Variants in NXPE2 observed in about 807,000 individuals in gnomAD.
NXPE2 encodes the protein NXPE family member 2.
NXPE2 carries 34 observed loss-of-function variants against 34.4 expected under a neutral mutation model. The ratio of observed to expected loss-of-function variants is 0.99; its 90% confidence interval spans 0.75 to 1.31. NXPE2 has a LOEUF of 1.31. NXPE2 is among the 40% of genes most tolerant of loss of function. NXPE2 has a pLI of 0.00. For synonymous variants in NXPE2, 235 were observed against 231.3 expected (o/e 1.02, Z -0.15); for missense variants, 649 against 672.5 (o/e 0.97, Z 0.39).
the NXPE2 span, among the ~76,000 whole-genome samples, chr11:114,486,867 A>G: frequency 6.6e-6 from 1 of 152,052 alleles, no homozygotes; most frequent in Non-Finnish European, 1.5e-5. Context: ...GTTTCTTGTT[A>G]TGCCAGTACT....
the NXPE2 span, chr11:114,523,146 C>A: frequency 7.8e-7 from 1 of 1,284,784 alleles, no homozygotes; most frequent in South Asian, 1.2e-5. Flanking sequence ...GACATCTAGC[C>A]TTCTTTCCTG....
chr11:114,632,610 T>G, the NXPE2 span, among the ~76,000 whole-genome samples: 4 of 103,346 alleles, frequency 3.9e-5, no homozygotes, highest in African/African-American at 1.6e-4. Context: ...TATATTTATA[T>G]TTTATATATA....
chr11:114,659,325 A>C, the NXPE2 span, among the ~76,000 whole-genome samples: 1 of 152,216 alleles, frequency 6.6e-6, no homozygotes, highest in East Asian at 1.9e-4. Flanking sequence ...AGACAGAAAC[A>C]GTCATCAAGA....
chr11:114,619,827 T>C, the NXPE2 span, among the ~76,000 whole-genome samples: 1 of 152,040 alleles, frequency 6.6e-6, no homozygotes, highest in Non-Finnish European at 1.5e-5. Flanking sequence ...TTATAATAAG[T>C]GTTGCCTCGT....
chr11:114,627,789 G>GAC, the NXPE2 span, among the ~76,000 whole-genome samples: 2 of 151,972 alleles, frequency 1.3e-5, no homozygotes, highest in East Asian at 3.8e-4. Flanking sequence ...CACAGGCAGA[G>GAC]ACACACATGG....
At chr11:114,689,593 T>C (rs556001051) in intron 2 of NXPE2, among the ~76,000 whole-genome samples, 1 of 152,240 alleles carries the variant, frequency 6.6e-6, no homozygotes, top group East Asian at 1.9e-4. Context: ...TAGATGTCTA[T>C]GGGGTCTAAT....
At chr11:114,616,502 G>A in the NXPE2 span, among the ~76,000 whole-genome samples, 46 of 151,384 alleles carry the variant, frequency 3.0e-4, no homozygotes, top group Middle Eastern at 3.4e-3. Flanking sequence ...ACTGTTAACC[G>A]GTGGATAATA....
At chr11:114,640,579 C>T in the NXPE2 span, among the ~76,000 whole-genome samples, 1 of 151,956 alleles carries the variant, frequency 6.6e-6, no homozygotes, top group African/African-American at 2.4e-5. Flanking sequence ...ACCCACAATG[C>T]ATAAGTGTTC....
chr11:114,528,765 A>G, the NXPE2 span: 1 of 630,892 alleles, frequency 1.6e-6, no homozygotes, highest in Non-Finnish European at 3.0e-6. Flanking sequence ...ATGAGGACCC[A>G]GGTGCCAAGT....
At chr11:114,780,332 G>A in the NXPE2 span, among the ~76,000 whole-genome samples, 50,681 of 152,010 alleles carry the variant, frequency 0.33, 9,398 homozygotes, top group Non-Finnish European at 0.41. Context: ...AGGAGGCCTC[G>A]GCTGCCTGTG....
the NXPE2 span, chr11:114,529,961 C>A: frequency 7.9e-6 from 4 of 507,780 alleles, no homozygotes; most frequent in African/African-American, 7.6e-5. Flanking sequence ...CATAGAAGAA[C>A]GGTTATAGCA....
the NXPE2 span, among the ~76,000 whole-genome samples, chr11:114,608,985 C>G: frequency 6.6e-6 from 1 of 151,578 alleles, no homozygotes; most frequent in Non-Finnish European, 1.5e-5. Flanking sequence ...CGTGGGTAAC[C>G]ACTGTTGCCA....
the NXPE2 span, among the ~76,000 whole-genome samples, chr11:114,536,381 G>T: frequency 1.3e-5 from 2 of 152,114 alleles, no homozygotes; most frequent in Non-Finnish European, 2.9e-5. Flanking sequence ...AACTAGAGAA[G>T]CAAGAGCAAA....
chr11:114,785,667 A>AATTG, the NXPE2 span, among the ~76,000 whole-genome samples: 3 of 152,098 alleles, frequency 2.0e-5, no homozygotes, highest in South Asian at 6.2e-4. Context: ...TCGCTGGCCT[A>AATTG]ATTGATTAAT....
chr11:114,621,811 G>A, the NXPE2 span, among the ~76,000 whole-genome samples: 8 of 151,646 alleles, frequency 5.3e-5, no homozygotes, highest in South Asian at 4.2e-4. Context: ...TTATTGCCTT[G>A]TGGGTAACCA....
the NXPE2 span, among the ~76,000 whole-genome samples, chr11:114,803,087 C>G: frequency 6.6e-6 from 1 of 152,202 alleles, no homozygotes; most frequent in African/African-American, 2.4e-5. Flanking sequence ...CGCTCTCCTG[C>G]CTGCAACAGG....
At chr11:114,488,414 C>T in the NXPE2 span, among the ~76,000 whole-genome samples, 1 of 151,980 alleles carries the variant, frequency 6.6e-6, no homozygotes, top group Non-Finnish European at 1.5e-5. Context: ...AAACGTTTGT[C>T]AATTTTGTTT....
downstream of NXPE2, among the ~76,000 whole-genome samples, chr11:114,711,425 G>A (rs1213217962): frequency 6.6e-6 from 1 of 152,060 alleles, no homozygotes; most frequent in Non-Finnish European, 1.5e-5. Flanking sequence ...ATTCAGCAAA[G>A]TTTCAGCACA....
chr11:114,647,658 T>C, the NXPE2 span, among the ~76,000 whole-genome samples: 519 of 152,258 alleles, frequency 3.4e-3, 1 homozygote, highest in South Asian at 0.013. Context: ...TGATTCTGTA[T>C]TTTGTCTCTT....
Sources: gnomAD v4.1 joint callset for allele counts (sites outside exome capture counted in the v4.1 genomes callset) on GRCh38, gnomAD v4.1.1 for gene constraint, MANE v1.5 for transcripts, NCBI Gene and HGNC (gene_info 2026-07-23, HGNC 2026-07-21) for gene names.